Variants in GABRG3 observed in about 807,000 individuals in gnomAD.
The protein encoded by GABRG3 is gamma-aminobutyric acid type A receptor subunit gamma3.
A neutral mutation model predicts 48.8 loss-of-function variants in GABRG3; 25 were observed. The ratio of observed to expected loss-of-function variants is 0.51; its 90% CI spans 0.37 to 0.72. GABRG3 has a LOEUF of 0.72. GABRG3 is among the 30% of genes least tolerant of loss of function. The probability of loss-of-function intolerance (pLI) is 0.00; values close to 1 mark genes in which losing one functional copy is unlikely to be tolerated. For synonymous variants in GABRG3, 227 were observed against 217.6 expected, an observed-to-expected ratio of 1.04 and a Z score of -0.38; for missense variants, 394 against 577.9, an observed-to-expected ratio of 0.68 and a Z score of 3.26.
At chr15:27,020,646 C>T (rs1045313056) in intron 2 of GABRG3, among the ~76,000 whole-genome samples, 5 of 151,908 alleles carry the variant, frequency 3.3e-5, no homozygotes, top group Admixed American at 6.6e-5. Flanking sequence ...CTCGATCTCC[C>T]GACCTCGTGA....
At position 27,537,550 on chromosome 15, in the gene GABRG3, T is replaced by TA. The variant is rs1891575311; in HGVS notation, c.*4674dup. On this transcript the variant is annotated 3_prime_UTR_variant, in exon 10 of 10. Transcript: ENST00000615808. ...TCCCTTGTTGACTTATGTTTTATTATAAAAATAGATCTCTATCATTATAGG... is the reference window on the plus strand; with the variant it reads ...TCCCTTGTTGACTTATGTTTTATTATAAAAAATAGATCTCTATCATTATAGG... 6.6e-6 allele frequency: 1 copy of TA among 152,192 alleles called. No individual in the cohort carries two copies. Among genetic ancestry groups the TA allele is most frequent in the Non-Finnish European group, 1.5e-5 (1 of 68,030 alleles). The allele number at this position is 152,192 out of a possible 1,614,324, so 9.4% of individuals were successfully genotyped here. A position where few individuals can be genotyped will look rare whatever the true frequency, so the allele number is the denominator to read the frequency against.
intron 3 of GABRG3, among the ~76,000 whole-genome samples, chr15:27,283,015 A>G (rs7179236): frequency 0.12 from 18,325 of 152,126 alleles, 2,649 homozygotes; most frequent in African/African-American, 0.34. Context: ...TAGATGATCT[A>G]TCTTAAGTAT....
At chr15:27,169,842 G>A (rs928338378) in intron 3 of GABRG3, among the ~76,000 whole-genome samples, 2 of 152,080 alleles carry the variant, frequency 1.3e-5, no homozygotes, top group African/African-American at 4.8e-5. Flanking sequence ...CAGAGGAAAG[G>A]GAATGTTAGT....
rs1285890194 is a variant in GABRG3, at chr15:27,307,825, C to CATGTTTATAT, written c.271-18982_271-18981insGTTTATATAT. 5.3e-3 allele frequency among the ~76,000 whole-genome samples: 204 copies of CATGTTTATAT among 38,696 alleles called. 1 individual carries two copies. Among genetic ancestry groups the CATGTTTATAT allele is most frequent in the South Asian group, 8.7e-3 (20 of 2,304 alleles). 25.4% of individuals were successfully genotyped at this position (38,696 alleles called of 152,430 possible). A position where few individuals can be genotyped will look rare whatever the true frequency, so the allele number is the denominator to read the frequency against. ...TAAACATAAACATATATAAAATAAA[C>CATGTTTATAT]ATAAACATATATAAAATAAACATGT... On this transcript the variant is annotated intron_variant, in intron 3 of 9. Transcript: ENST00000615808.
intron 3 of GABRG3, among the ~76,000 whole-genome samples, chr15:27,312,328 A>T (rs1893024383): frequency 6.6e-6 from 1 of 152,266 alleles, no homozygotes; most frequent in East Asian, 1.9e-4. Flanking sequence ...CAAGCAGATC[A>T]TGGATTGTGA....
At chr15:27,020,475 T>G (rs1051545267) in intron 2 of GABRG3, among the ~76,000 whole-genome samples, 3 of 152,132 alleles carry the variant, frequency 2.0e-5, no homozygotes, top group East Asian at 3.9e-4. Flanking sequence ...GCAGTGGCGC[T>G]ATCTCGGCTC....
chr15:27,449,079 C>G (rs1055760114), intron 5 of GABRG3, among the ~76,000 whole-genome samples: 2 of 152,176 alleles, frequency 1.3e-5, no homozygotes, highest in Admixed American at 1.3e-4. Context: ...GATACATGGT[C>G]TGACTTCCTT....
Position 26,971,502 on chromosome 15 carries a change from G to GC in GABRG3, c.-30dup, listed in dbSNP as rs540468206. On this transcript the variant is annotated 5_prime_UTR_variant, in exon 1 of 10. Coordinates refer to ENST00000615808, the MANE Select transcript of GABRG3 (RefSeq NM_033223.5). The stretch of plus-strand genomic sequence containing the variant: ...CCGGAGGAAGCCGCGCCCGGCCGAG[G>GC]CCCCGGACCCTGCGCCCCGAGCTCC... 2.4e-3 allele frequency: 3,638 copies of GC among 1,494,628 alleles called. 70 individuals carry two copies. In the African/African-American group the frequency reaches 0.044, roughly 18 times the overall value. 92.6% of individuals were successfully genotyped at this position (1,494,628 alleles called of 1,614,324 possible).
chr15:27,031,897 T>C (rs931134271), intron 3 of GABRG3, among the ~76,000 whole-genome samples: 1 of 152,318 alleles, frequency 6.6e-6, no homozygotes, highest in African/African-American at 2.4e-5. Context: ...TGACCTTGTT[T>C]GGTTTTTCTT....
intron 5 of GABRG3, among the ~76,000 whole-genome samples, chr15:27,379,531 C>T (rs1212931378): frequency 6.6e-6 from 1 of 152,134 alleles, no homozygotes; most frequent in African/African-American, 2.4e-5. Context: ...TCCTTCCTTC[C>T]TGTAGATTTG....
chr15:27,326,730 C>G, intron 3 of GABRG3, 79 bp from the exon 4 acceptor site: 1 of 1,176,568 alleles, frequency 8.5e-7, no homozygotes. Context: ...GGAGAGAACA[C>G]AACGTTTGAC....
chr15:27,354,139 G>T (rs192079060), intron 5 of GABRG3, among the ~76,000 whole-genome samples: 3 of 152,154 alleles, frequency 2.0e-5, no homozygotes, highest in African/African-American at 7.2e-5. Context: ...CTAAGCCTTC[G>T]TCTCATAGCC....
chr15:26,992,682 T>C (rs555076443), intron 2 of GABRG3, among the ~76,000 whole-genome samples: 9 of 152,304 alleles, frequency 5.9e-5, no homozygotes, highest in Admixed American at 1.3e-4. Flanking sequence ...AGTTTTCTTT[T>C]TTTTGATGTG....
intron 3 of GABRG3, among the ~76,000 whole-genome samples, chr15:27,132,430 G>A (rs531368516): frequency 3.9e-4 from 54 of 139,404 alleles, no homozygotes; most frequent in African/African-American, 1.3e-3. Flanking sequence ...TTTCTTGTTT[G>A]GAGGTTTATG....
intron 3 of GABRG3, among the ~76,000 whole-genome samples, chr15:27,134,614 C>A (rs1390193122): frequency 6.6e-6 from 1 of 152,144 alleles, no homozygotes; most frequent in East Asian, 1.9e-4. Flanking sequence ...CTTTCACTTC[C>A]CTCCTCTCCT....
At chr15:27,291,414 A>G (rs1891790565) in intron 3 of GABRG3, among the ~76,000 whole-genome samples, 1 of 152,148 alleles carries the variant, frequency 6.6e-6, no homozygotes, top group Admixed American at 6.5e-5. Flanking sequence ...CTGTGCTTGG[A>G]TGAAATATTA....
At chr15:27,330,136 A>G (rs958550081) in intron 5 of GABRG3, among the ~76,000 whole-genome samples, 1 of 152,196 alleles carries the variant, frequency 6.6e-6, no homozygotes, top group African/African-American at 2.4e-5. Flanking sequence ...GCTACTTGGG[A>G]GGCTGAGGCA....
intron 5 of GABRG3, among the ~76,000 whole-genome samples, chr15:27,444,632 C>A (rs1326619037): frequency 6.6e-6 from 1 of 152,126 alleles, no homozygotes; most frequent in Non-Finnish European, 1.5e-5. Context: ...TTTAATATAT[C>A]TAATATGTTT....
intron 5 of GABRG3, among the ~76,000 whole-genome samples, chr15:27,391,040 A>G (rs1340364771): frequency 6.6e-6 from 1 of 151,884 alleles, no homozygotes; most frequent in African/African-American, 2.4e-5. Flanking sequence ...GTGAGCCAAG[A>G]TCACACCATT....
Sources: gnomAD v4.1 joint callset for allele counts (sites outside exome capture counted in the v4.1 genomes callset) on GRCh38, gnomAD v4.1.1 for gene constraint, MANE v1.5 for transcripts, NCBI Gene and HGNC (gene_info 2026-07-23, HGNC 2026-07-21) for gene names.